The following ZNF782 variants were observed in gnomAD, a reference collection of about 807,000 sequenced individuals.
ZNF782 encodes zinc finger protein 782.
A neutral mutation model predicts 13.0 loss-of-function variants in ZNF782; 12 were observed. That is an observed-to-expected ratio of 0.92 (90% CI 0.59 to 1.50). The LOEUF is 1.50. Among genes scored for constraint, ZNF782 ranks in the 40% most tolerant of loss-of-function variants. The pLI is 0.00. For synonymous variants in ZNF782, 284 were observed against 283.0 expected, an observed-to-expected ratio of 1.00 and a Z score of -0.04; for missense variants, 770 against 822.9, an observed-to-expected ratio of 0.94 and a Z score of 0.79.
At chr9:96,865,892 T>C (rs1377593214) in intron 1 of ZNF782, among the ~76,000 whole-genome samples, 1 of 152,154 alleles carries the variant, frequency 6.6e-6, no homozygotes, top group African/African-American at 2.4e-5. Context: ...CGCCCCACCC[T>C]AGAGATTTCT....
At chr9:96,877,456 G>A (rs1851907780), upstream of ZNF782, among the ~76,000 whole-genome samples, 1 of 152,270 alleles carries the variant, frequency 6.6e-6, no homozygotes, top group Non-Finnish European at 1.5e-5. Context: ...GGACCCGCGT[G>A]GCTCCAGCCT....
intron 4 of ZNF782, among the ~76,000 whole-genome samples, chr9:96,843,650 C>A (rs1055981281): frequency 1.3e-5 from 2 of 152,132 alleles, no homozygotes; most frequent in African/African-American, 4.8e-5. Flanking sequence ...CAGAGCTATT[C>A]ACACACATTG....
At chr9:96,849,334 G>T (rs533164357) in intron 3 of ZNF782, among the ~76,000 whole-genome samples, 2 of 152,346 alleles carry the variant, frequency 1.3e-5, no homozygotes, top group East Asian at 3.9e-4. Flanking sequence ...GTAGAGCTCA[G>T]GTGGTAATGC....
At chr9:96,931,573 C>T in the ZNF782 span, 1 of 684,662 alleles carries the variant, frequency 1.5e-6, no homozygotes, top group Non-Finnish European at 2.5e-6. Flanking sequence ...CGTGGAGGAA[C>T]AGAGCATCTG....
the ZNF782 span, among the ~76,000 whole-genome samples, chr9:96,910,706 G>A: frequency 6.8e-6 from 1 of 148,026 alleles, no homozygotes; most frequent in Non-Finnish European, 1.5e-5. Flanking sequence ...GTGCGATCTC[G>A]GCTCACTGCA....
intron 2 of ZNF782, among the ~76,000 whole-genome samples, chr9:96,852,525 T>A (rs1851526467): frequency 6.6e-6 from 1 of 152,142 alleles, no homozygotes; most frequent in South Asian, 2.1e-4. Flanking sequence ...CATGCGCCTG[T>A]GGTCCCTGCT....
At chr9:96,855,094 C>A (rs902375021), upstream of ZNF782, among the ~76,000 whole-genome samples, 2 of 152,180 alleles carry the variant, frequency 1.3e-5, no homozygotes, top group South Asian at 2.1e-4. Context: ...GGTTCTAAGG[C>A]GGGTCGAGCC....
chr9:96,860,763 T>C (rs1851693899), intron 2 of ZNF782, among the ~76,000 whole-genome samples: 1 of 152,134 alleles, frequency 6.6e-6, no homozygotes, highest in Non-Finnish European at 1.5e-5. Context: ...TGGAACAGAA[T>C]AGAAAACCCA....
At chr9:96,880,094 T>C (rs1218115261), upstream of ZNF782, among the ~76,000 whole-genome samples, 1 of 152,100 alleles carries the variant, frequency 6.6e-6, no homozygotes, top group African/African-American at 2.4e-5. Flanking sequence ...CAATTGTTTT[T>C]GGCTAATACG....
chr9:96,924,886 G>T, the ZNF782 span, among the ~76,000 whole-genome samples: 2 of 152,212 alleles, frequency 1.3e-5, no homozygotes, highest in African/African-American at 4.8e-5. Context: ...CGGCCTGGGC[G>T]TCCCGCAGGG....
chr9:96,872,487 C>T (rs1021120055), intron 1 of ZNF782, among the ~76,000 whole-genome samples: 7 of 151,390 alleles, frequency 4.6e-5, no homozygotes, highest in Middle Eastern at 3.4e-3. Flanking sequence ...GCCAAGATCG[C>T]GCCACTGCAC....
At chr9:96,927,106 AAG>A in the ZNF782 span, among the ~76,000 whole-genome samples, 4 of 152,162 alleles carry the variant, frequency 2.6e-5, no homozygotes, top group African/African-American at 9.6e-5. Flanking sequence ...AATGAGAATG[AAG>A]ATTTTTTTAA....
At chr9:96,883,177 T>A in the ZNF782 span, among the ~76,000 whole-genome samples, 1 of 152,174 alleles carries the variant, frequency 6.6e-6, no homozygotes, top group African/African-American at 2.4e-5. Flanking sequence ...ATATATTTTT[T>A]AAAAACATGG....
At chr9:96,892,318 A>G in the ZNF782 span, 1 of 152,254 alleles carries the variant, frequency 6.6e-6, no homozygotes, top group South Asian at 2.1e-4. Context: ...AATGTGGCAT[A>G]TGCACACAAT....
chr9:96,840,302 C>T (rs1488587913), intron 4 of ZNF782, among the ~76,000 whole-genome samples: 1 of 151,938 alleles, frequency 6.6e-6, no homozygotes, highest in Non-Finnish European at 1.5e-5. Flanking sequence ...GGTCTTTGTG[C>T]TTGTTCTTTT....
At chr9:96,887,814 T>A in the ZNF782 span, 1 of 152,032 alleles carries the variant, frequency 6.6e-6, no homozygotes, top group Non-Finnish European at 1.5e-5. Context: ...GTGGCACATA[T>A]ACACCATGGA....
intron 5 of ZNF782, among the ~76,000 whole-genome samples, chr9:96,824,010 T>C (rs1004690541): frequency 1.3e-5 from 2 of 152,194 alleles, no homozygotes; most frequent in African/African-American, 4.8e-5. Flanking sequence ...TCTGAAACTA[T>C]TCCAATCAAC....
chr9:96,907,379 C>G, the ZNF782 span, among the ~76,000 whole-genome samples: 2 of 133,108 alleles, frequency 1.5e-5, no homozygotes, highest in African/African-American at 5.8e-5. Context: ...TAACGGAAAT[C>G]GAGTTTGTTT....
the ZNF782 span, among the ~76,000 whole-genome samples, chr9:96,903,306 T>C: frequency 6.6e-6 from 1 of 151,972 alleles, no homozygotes; most frequent in Non-Finnish European, 1.5e-5. Flanking sequence ...TAATACAATA[T>C]GTAAACCTTT....
Sources: gnomAD v4.1 joint callset for allele counts (sites outside exome capture counted in the v4.1 genomes callset) on GRCh38, gnomAD v4.1.1 for gene constraint, MANE v1.5 for transcripts, NCBI Gene and HGNC (gene_info 2026-07-23, HGNC 2026-07-21) for gene names.